CDH18: variants seen among roughly 807,000 people sequenced by gnomAD.
The protein encoded by CDH18 is cadherin 18, also known as cadherin-18.
A neutral mutation model predicts 67.9 loss-of-function variants in CDH18; 31 were observed. That is an observed-to-expected ratio of 0.46 (90% CI 0.34 to 0.62). The LOEUF (loss-of-function observed/expected upper bound fraction) is 0.62. Among genes scored for constraint, CDH18 ranks in the 20% least tolerant of loss-of-function variants. CDH18 has a pLI of 0.01. For missense variants in CDH18, 890 were observed against 975.5 expected (o/e 0.91, Z 1.17); for synonymous variants, 362 against 347.2 (o/e 1.04, Z -0.48).
intron 8 of CDH18, among the ~76,000 whole-genome samples, chr5:19,555,765 C>T (rs763197584): frequency 1.3e-5 from 2 of 152,162 alleles, no homozygotes; most frequent in Non-Finnish European, 2.9e-5. Flanking sequence ...CCTATACAAT[C>T]GCAACTGATG....
intron 1 of CDH18, among the ~76,000 whole-genome samples, chr5:19,985,757 CAA>C (rs1799502976): frequency 6.6e-6 from 1 of 151,934 alleles, no homozygotes; most frequent in Non-Finnish European, 1.5e-5. Flanking sequence ...AAAAGAAAGA[CAA>C]AGAACACCAT....
chr5:20,144,914 G>T (rs1159403129), intron 2 of CDH18, among the ~76,000 whole-genome samples: 1 of 152,040 alleles, frequency 6.6e-6, no homozygotes, highest in Non-Finnish European at 1.5e-5. Context: ...AGAGATTGAG[G>T]TGATGCTCTA....
At chr5:19,940,312 T>C (rs1429015593) in intron 2 of CDH18, among the ~76,000 whole-genome samples, 1 of 151,808 alleles carries the variant, frequency 6.6e-6, no homozygotes, top group African/African-American at 2.4e-5. Context: ...ATAGCTTACA[T>C]GTGACCCTAT....
intron 2 of CDH18, among the ~76,000 whole-genome samples, chr5:19,950,603 G>A (rs1483623426): frequency 1.3e-5 from 2 of 152,044 alleles, no homozygotes; most frequent in Non-Finnish European, 2.9e-5. Flanking sequence ...AACTAAAATT[G>A]AGAAAATATT....
chr5:20,222,448 T>C (rs1279436326), intron 2 of CDH18, among the ~76,000 whole-genome samples: 1 of 152,140 alleles, frequency 6.6e-6, no homozygotes, highest in African/African-American at 2.4e-5. Context: ...ATGGTATATG[T>C]AGGATTTTCA....
intron 2 of CDH18, among the ~76,000 whole-genome samples, chr5:19,922,904 C>T (rs1792661244): frequency 6.6e-6 from 1 of 152,120 alleles, no homozygotes; most frequent in Non-Finnish European, 1.5e-5. Context: ...TACCTGAAAA[C>T]AAATTATATA....
chr5:19,966,704 A>G (rs116705293), intron 2 of CDH18, among the ~76,000 whole-genome samples: 1,840 of 152,162 alleles, frequency 0.012, 54 homozygotes, highest in African/African-American at 0.042. Context: ...TTCCAATAGT[A>G]AACTACTAGT....
chr5:19,707,826 G>T (rs993446089), intron 5 of CDH18, among the ~76,000 whole-genome samples: 25 of 152,176 alleles, frequency 1.6e-4, no homozygotes, highest in African/African-American at 6.0e-4. Context: ...AGATTGCATT[G>T]CAGAACAGGC....
At chr5:20,216,620 T>G (rs942837695) in intron 2 of CDH18, among the ~76,000 whole-genome samples, 3 of 151,980 alleles carry the variant, frequency 2.0e-5, no homozygotes, top group Non-Finnish European at 4.4e-5. Flanking sequence ...TTAACATGAT[T>G]TTTCATAAGA....
Position 19,596,895 on chromosome 5 carries a change from T to C in CDH18, c.812-5651A>G, listed in dbSNP as rs942326900. ...ATAATTTGTAAATTAAGAGTCAACT[T>C]TTAGTAGACAGCCTTCAAGGCGGCC... On this transcript the variant is annotated intron_variant, in intron 6 of 12. Transcript: ENST00000382275. 2.6e-5 allele frequency among the ~76,000 whole-genome samples: 4 copies of C among 152,328 alleles called. No homozygotes were observed. The East Asian group carries it at 5.8e-4, about 22-fold the overall frequency.
At chr5:19,803,706 T>C (rs1161256748) in intron 3 of CDH18, 1 of 152,212 alleles carries the variant, frequency 6.6e-6, no homozygotes, top group Non-Finnish European at 1.5e-5. Flanking sequence ...AAAATACATT[T>C]CTTATTTTAC....
chr5:20,313,815 A>T (rs1387503914), intron 1 of CDH18, among the ~76,000 whole-genome samples: 1 of 152,066 alleles, frequency 6.6e-6, no homozygotes, highest in African/African-American at 2.4e-5. Flanking sequence ...TACATCTATT[A>T]TGCACACAAT....
At chr5:20,268,687 G>C (rs1162295625) in intron 1 of CDH18, among the ~76,000 whole-genome samples, 1 of 152,100 alleles carries the variant, frequency 6.6e-6, no homozygotes, top group Admixed American at 6.6e-5. Context: ...ATTATGTACT[G>C]GATACAAGCC....
At chr5:20,172,226 A>ATATATATATT (rs1736860251) in intron 2 of CDH18, among the ~76,000 whole-genome samples, 1 of 105,852 alleles carries the variant, frequency 9.4e-6, no homozygotes, top group African/African-American at 4.3e-5. Flanking sequence ...ATATATATGT[A>ATATATATATT]TATATATATA....
chr5:20,192,110 T>C (rs982999334), intron 2 of CDH18, among the ~76,000 whole-genome samples: 2 of 152,118 alleles, frequency 1.3e-5, no homozygotes, highest in Non-Finnish European at 2.9e-5. Flanking sequence ...TGATGATCAG[T>C]GATATTGAGC....
chr5:20,253,469 G>A (rs1744011267), intron 2 of CDH18, among the ~76,000 whole-genome samples: 1 of 152,132 alleles, frequency 6.6e-6, no homozygotes. Flanking sequence ...AACTCATCGA[G>A]ATTCAGGAAA....
At chr5:20,010,363 C>T (rs1228107133) in intron 2 of CDH18, among the ~76,000 whole-genome samples, 1 of 151,962 alleles carries the variant, frequency 6.6e-6, no homozygotes, top group Non-Finnish European at 1.5e-5. Flanking sequence ...GCATGCACCA[C>T]CACGCCCCAC....
chr5:20,242,611 A>AATAT (rs1554106656), intron 2 of CDH18, among the ~76,000 whole-genome samples: 571 of 39,506 alleles, frequency 0.014, 33 homozygotes, highest in African/African-American at 0.028. Context: ...AAAAAAAAAA[A>AATAT]ATATATATAT....
At position 19,473,578 on chromosome 5, in the gene CDH18, G is replaced by A. The variant is rs1156244310; in HGVS notation, c.2021C>T (p.Thr674Ile). Reference protein sequence around the residue: ...GEEDTEAFDITALRNPSAAEE... With the variant: ...GEEDTEAFDIIALRNPSAAEE... ...AGCAGCAGAAGGATTCCTCAAGGCT[G>A]TGATGTCAAAGGCCTCTGTGTCTTC... The change falls in exon 13 of 13, where the codon ACA becomes ATA. Residue 674 changes from threonine to isoleucine, a missense_variant. By Grantham distance (89) the Thr-to-Ile change is moderately conservative. Coordinates refer to ENST00000382275, the MANE Select transcript of CDH18 (RefSeq NM_004934.5). The A allele has an allele frequency of 1.2e-6, 2 of 1,613,714 alleles. No individual in the cohort carries two copies. The highest frequency in any genetic ancestry group is 8.5e-7 in the Non-Finnish European group (1 of 1,179,860).
Sources: allele counts gnomAD v4.1 joint callset (sites outside exome capture counted in the v4.1 genomes callset), GRCh38; gene constraint gnomAD v4.1.1; transcripts MANE v1.5; gene names NCBI Gene and HGNC (gene_info 2026-07-23, HGNC 2026-07-21).